PCDHA13: variants seen among roughly 807,000 people sequenced by gnomAD.
PCDHA13 encodes protocadherin alpha-13.
A neutral mutation model predicts 64.8 loss-of-function variants in PCDHA13; 54 were observed. That is an observed-to-expected ratio of 0.83 (90% CI 0.67 to 1.04). The LOEUF (loss-of-function observed/expected upper bound fraction) is 1.04, where lower values mean the gene tolerates loss of function less well. Among genes scored for constraint, PCDHA13 ranks in the 50% least tolerant of loss-of-function variants. The probability of loss-of-function intolerance (pLI) is 0.00; values close to 1 mark genes in which losing one functional copy is unlikely to be tolerated. For synonymous variants in PCDHA13, 587 were observed against 564.4 expected, an observed-to-expected ratio of 1.04 and a Z score of -0.57; for missense variants, 1,248 against 1,254.3, an observed-to-expected ratio of 0.99 and a Z score of 0.08.
At chr5:140,912,010 G>A (rs1208180595) in intron 1 of PCDHA13, among the ~76,000 whole-genome samples, 1 of 152,202 alleles carries the variant, frequency 6.6e-6, no homozygotes. Flanking sequence ...CCATCTGCAA[G>A]CTGAGGAGCA....
chr5:141,000,417 ATATATTTTTT>A (rs2097924181), intron 3 of PCDHA13, among the ~76,000 whole-genome samples: 1 of 77,748 alleles, frequency 1.3e-5, no homozygotes, highest in Non-Finnish European at 2.3e-5. Context: ...ATATATATAT[ATATATTTTTT>A]TTTTTTTTTT....
intron 3 of PCDHA13, among the ~76,000 whole-genome samples, chr5:140,994,353 C>T (rs1321687113): frequency 6.6e-6 from 1 of 152,110 alleles, no homozygotes; most frequent in East Asian, 1.9e-4. Flanking sequence ...TGTGGGACCT[C>T]AGAAGATGGA....
chr5:140,998,629 A>G (rs989469969), intron 3 of PCDHA13, among the ~76,000 whole-genome samples: 3 of 152,064 alleles, frequency 2.0e-5, no homozygotes, highest in African/African-American at 7.2e-5. Context: ...CAATGGCACA[A>G]TCTCAGCTCA....
At chr5:140,955,648 A>G (rs1554222007) in intron 1 of PCDHA13, among the ~76,000 whole-genome samples, 1 of 152,138 alleles carries the variant, frequency 6.6e-6, no homozygotes, top group East Asian at 1.9e-4. Flanking sequence ...ACAAATTAAT[A>G]CACATATGAA....
intron 1 of PCDHA13, among the ~76,000 whole-genome samples, chr5:140,955,906 G>T (rs1044355938): frequency 2.0e-5 from 3 of 152,040 alleles, no homozygotes; most frequent in East Asian, 3.9e-4. Flanking sequence ...TCTCTTTGTA[G>T]CAATTGTGAA....
At chr5:140,929,690 C>A in intron 1 of PCDHA13, 1 of 278,482 alleles carries the variant, frequency 3.6e-6, no homozygotes, top group Non-Finnish European at 7.0e-6. Flanking sequence ...TAAGAGTCTG[C>A]TTTATATGAA....
chr5:140,901,907 A>C (rs1204627106), intron 1 of PCDHA13, among the ~76,000 whole-genome samples: 1 of 150,942 alleles, frequency 6.6e-6, no homozygotes, highest in African/African-American at 2.4e-5. Context: ...CATTGTGGAG[A>C]TCTTTCACTT....
At chr5:140,921,134 C>G (rs2080042608) in intron 1 of PCDHA13, among the ~76,000 whole-genome samples, 1 of 111,400 alleles carries the variant, frequency 9.0e-6, no homozygotes, top group African/African-American at 3.7e-5. Flanking sequence ...GTGCACACCA[C>G]TACACCCAGC....
At chr5:140,910,682 C>G (rs1280217836) in intron 1 of PCDHA13, among the ~76,000 whole-genome samples, 2 of 152,198 alleles carry the variant, frequency 1.3e-5, no homozygotes, top group East Asian at 3.8e-4. Flanking sequence ...GGAGATCAGG[C>G]ATTTCCAGCT....
In PCDHA13 at chr5:140,883,030, C is replaced by T. The variant is rs1554176556; in HGVS notation, c.762C>T (p.Asn254=). The T allele has an allele frequency of 6.2e-7, 1 of 1,614,058 alleles. No homozygotes were observed. Among genetic ancestry groups the T allele is most frequent in the Non-Finnish European group, 8.5e-7 (1 of 1,180,028 alleles). Residue 254 remains asparagine (N), a synonymous_variant, in exon 1 of 4, where the codon AAC becomes AAT. Transcript: ENST00000289272. ...TTTATAAAGTGACGGTGTTAGAGAACGCCTTCAATGGAACATTAGTGATCA... is the reference window on the plus strand; with the variant it reads ...TTTATAAAGTGACGGTGTTAGAGAATGCCTTCAATGGAACATTAGTGATCA... ...QSVYKVTVLE[N]AFNGTLVIKL... is the part of the protein sequence containing the mutation.
chr5:141,000,361 GTCTCTCTCTCTCTCTC>G (rs148596731), intron 3 of PCDHA13, among the ~76,000 whole-genome samples: 6 of 26,448 alleles, frequency 2.3e-4, no homozygotes, highest in African/African-American at 1.2e-3. Context: ...GTCTCTCTCT[GTCTCTCTCTCTCTCTC>G]TCTCTCTCTC....
chr5:140,947,131 G>A (rs994081159), intron 1 of PCDHA13, among the ~76,000 whole-genome samples: 10 of 151,080 alleles, frequency 6.6e-5, no homozygotes, highest in African/African-American at 2.2e-4. Context: ...AATAAAAATA[G>A]TAAAATGTAT....
intron 1 of PCDHA13, chr5:140,967,806 G>A (rs1406839046): frequency 8.1e-6 from 13 of 1,614,180 alleles, no homozygotes; most frequent in Non-Finnish European, 1.1e-5. Flanking sequence ...CCCATGGCAG[G>A]TCACTGCAAG....
At chr5:141,009,179 G>C (rs1343163889) in intron 3 of PCDHA13, among the ~76,000 whole-genome samples, 2 of 152,212 alleles carry the variant, frequency 1.3e-5, no homozygotes, top group Non-Finnish European at 2.9e-5. Flanking sequence ...CCTTGGCTGG[G>C]TGTGGTAGCT....
intron 3 of PCDHA13, among the ~76,000 whole-genome samples, chr5:140,994,698 C>G (rs1238723224): frequency 6.6e-6 from 1 of 151,898 alleles, no homozygotes; most frequent in Non-Finnish European, 1.5e-5. Context: ...GAATGAGACC[C>G]TGTCTCAAAA....
intron 1 of PCDHA13, among the ~76,000 whole-genome samples, chr5:140,948,147 A>T (rs2094217534): frequency 6.6e-6 from 1 of 151,572 alleles, no homozygotes; most frequent in African/African-American, 2.4e-5. Context: ...TGATTTTTGA[A>T]TGTTGGAAAA....
In PCDHA13 at chr5:141,010,048, C is replaced by T; in HGVS notation, c.*111C>T. 4 of 1,597,434 alleles carry T rather than the reference C, an allele frequency of 2.5e-6. No homozygotes were observed. The highest frequency in any genetic ancestry group is 3.4e-6 in the Non-Finnish European group (4 of 1,172,252). Reference sequence around the variant, plus strand: ...CTATCTACATGAGCCCTCTTAGAGACCTCAGAAATCTGCAGAAAGTTCCCT... The same window carrying T: ...CTATCTACATGAGCCCTCTTAGAGATCTCAGAAATCTGCAGAAAGTTCCCT... On this transcript the variant is annotated 3_prime_UTR_variant, in exon 4 of 4. Coordinates refer to ENST00000289272, the MANE Select transcript of PCDHA13 (RefSeq NM_018904.3).
chr5:140,938,176 G>A (rs1554212021), intron 1 of PCDHA13, among the ~76,000 whole-genome samples: 1 of 152,088 alleles, frequency 6.6e-6, no homozygotes, highest in Non-Finnish European at 1.5e-5. Flanking sequence ...GAGCTCCTGG[G>A]CTCAAGCAAT....
chr5:140,923,110 A>G (rs2081174881), intron 1 of PCDHA13, among the ~76,000 whole-genome samples: 1 of 152,184 alleles, frequency 6.6e-6, no homozygotes, highest in South Asian at 2.1e-4. Flanking sequence ...TATGATTTTA[A>G]GTTTTTAGGG....
Sources: gnomAD v4.1 joint callset for allele counts (sites outside exome capture counted in the v4.1 genomes callset) on GRCh38, gnomAD v4.1.1 for gene constraint, MANE v1.5 for transcripts, NCBI Gene and HGNC (gene_info 2026-07-23, HGNC 2026-07-21) for gene names.